Variants in ZNF273 observed in about 807,000 individuals in gnomAD.
ZNF273 encodes the protein zinc finger protein 273.
A neutral mutation model predicts 14.9 loss-of-function variants in ZNF273; 11 were observed. The observed-to-expected ratio is 0.74, with a 90% CI of 0.46 to 1.22. The LOEUF (loss-of-function observed/expected upper bound fraction) is 1.22, where lower values mean the gene tolerates loss of function less well. ZNF273 is among the 50% of genes most tolerant of loss of function. The pLI is 0.00. For synonymous variants in ZNF273, 199 were observed against 223.9 expected, an observed-to-expected ratio of 0.89 and a Z score of 0.99; for missense variants, 577 against 660.6, an observed-to-expected ratio of 0.87 and a Z score of 1.39.
chr7:64,932,070 T>G (rs1159326055), downstream of ZNF273, among the ~76,000 whole-genome samples: 1 of 152,066 alleles, frequency 6.6e-6, no homozygotes, highest in Non-Finnish European at 1.5e-5. Context: ...TTTAGTAAGT[T>G]TTGATGAGAA....
intron 1 of ZNF273, among the ~76,000 whole-genome samples, chr7:64,913,843 A>C (rs1181394211): frequency 6.6e-6 from 1 of 152,170 alleles, no homozygotes; most frequent in East Asian, 1.9e-4. Flanking sequence ...TCTGAGAGGC[A>C]ATGCTTAGCT....
At chr7:64,898,347 A>G (rs1792485594), upstream of ZNF273, among the ~76,000 whole-genome samples, 2 of 152,212 alleles carry the variant, frequency 1.3e-5, no homozygotes, top group African/African-American at 4.8e-5. Flanking sequence ...TTTAATGATG[A>G]CAGTGAAGAA....
At chr7:64,933,629 G>A (rs1795035283), downstream of ZNF273, 1 of 152,108 alleles carries the variant, frequency 6.6e-6, no homozygotes, top group South Asian at 2.1e-4. Context: ...CAGAGTTTCT[G>A]TGATTATGAC....
chr7:64,886,449 C>T (rs1050105315), intron 1 of ZNF273, among the ~76,000 whole-genome samples: 5 of 152,188 alleles, frequency 3.3e-5, no homozygotes, highest in Admixed American at 2.6e-4. Flanking sequence ...ACTAAATTTG[C>T]ACTTGGTGGA....
intron 1 of ZNF273, among the ~76,000 whole-genome samples, chr7:64,905,223 C>T (rs1475677083): frequency 1.3e-5 from 2 of 149,130 alleles, no homozygotes; most frequent in Non-Finnish European, 3.0e-5. Context: ...TCAAGCGATT[C>T]TCCAGTCTCA....
chr7:64,889,833 T>G (rs1458805901), downstream of ZNF273: 1 of 908,720 alleles, frequency 1.1e-6, no homozygotes, highest in Non-Finnish European at 1.3e-6. The surrounding 1 kb of genome is among the most constrained non-coding windows in gnomAD (Gnocchi z 4.2). Flanking sequence ...TTCGGGCAAG[T>G]CAGTTGCCTC....
At chr7:64,917,443 T>C (rs1218519933) in intron 1 of ZNF273, 138 bp from the exon 2 acceptor site, 2 of 1,328,270 alleles carry the variant, frequency 1.5e-6, no homozygotes, top group Non-Finnish European at 2.0e-6. Flanking sequence ...GTTTTGAAAA[T>C]TATTTTATTG....
chr7:64,927,102 T>C (rs1794801460), intron 3 of ZNF273, among the ~76,000 whole-genome samples: 1 of 151,970 alleles, frequency 6.6e-6, no homozygotes, highest in Non-Finnish European at 1.5e-5. Context: ...AATTTACTCC[T>C]TTTTTTTGAG....
chr7:64,901,013 T>A (rs1426981081), upstream of ZNF273, among the ~76,000 whole-genome samples: 2 of 151,880 alleles, frequency 1.3e-5, no homozygotes, highest in African/African-American at 2.4e-5. Flanking sequence ...TTTATTTTTT[T>A]TTTTTTGTAG....
chr7:64,897,324 T>TTTTG (rs1319822523), intron 3 of ZNF273: 1 of 152,202 alleles, frequency 6.6e-6, no homozygotes, highest in Non-Finnish European at 1.5e-5. Flanking sequence ...AAGCTAATGT[T>TTTTG]TTTGTTTGTT....
At chr7:64,911,086 A>G (rs1793479427) in intron 1 of ZNF273, among the ~76,000 whole-genome samples, 1 of 151,842 alleles carries the variant, frequency 6.6e-6, no homozygotes, top group Non-Finnish European at 1.5e-5. Context: ...TGTACCTTTA[A>G]TGCCTAGTTT....
rs1343237420 is a variant in ZNF273 at position 64,912,205 on chromosome 7, C to T, written c.103-5376C>T. Among the ~76,000 whole-genome samples, 6 of 152,088 alleles carry T rather than the reference C, an allele frequency of 3.9e-5. No individual in the cohort carries two copies. In the South Asian group the frequency reaches 6.2e-4, roughly 16 times the overall value. On this transcript the variant is annotated intron_variant, in intron 1 of 3. Transcript: ENST00000476120. ...TTGAACAGATCTGAGGTGATTCGCC[C>T]GCCTCGGCCTCCCAAAGTATGGGGA...
At chr7:64,913,245 GTC>G (rs1426731928) in intron 1 of ZNF273, among the ~76,000 whole-genome samples, 1 of 152,012 alleles carries the variant, frequency 6.6e-6, no homozygotes, top group African/African-American at 2.4e-5. Context: ...TCCTTTCTGT[GTC>G]TCTCTCATCT....
chr7:64,921,439 G>T (rs1432861110), intron 3 of ZNF273, among the ~76,000 whole-genome samples: 2 of 151,690 alleles, frequency 1.3e-5, no homozygotes, highest in Non-Finnish European at 2.9e-5. Context: ...CTATTATTAT[G>T]TTGGTATGTA....
At chr7:64,893,093 G>C (rs1006977516), downstream of ZNF273, among the ~76,000 whole-genome samples, 1 of 137,288 alleles carries the variant, frequency 7.3e-6, no homozygotes, top group Non-Finnish European at 1.5e-5. Flanking sequence ...CATTTTTCAG[G>C]CTGATCTTTG....
At position 64,914,925 on chromosome 7, in the gene ZNF273, C is replaced by CCT. The variant is rs1554386962; in HGVS notation, c.103-2656_103-2655insCT. Reference sequence around the variant, plus strand: ...GGAGGAGAAAAGGGGAAAAAATGGCCTTTTTTTTTTTTTTTTAGCTAAACA... The same window carrying CCT: ...GGAGGAGAAAAGGGGAAAAAATGGCCCTTTTTTTTTTTTTTTTTAGCTAAACA... On this transcript the variant is annotated intron_variant, in intron 1 of 3. Transcript: ENST00000476120. Among the ~76,000 whole-genome samples, 922 of 133,360 alleles carry CCT rather than the reference C, an allele frequency of 6.9e-3. 8 individuals are homozygous for CCT. The highest frequency in any genetic ancestry group is 0.024 in the African/African-American group (868 of 35,430). 87.5% of individuals were successfully genotyped at this position (133,360 alleles called of 152,430 possible).
At position 64,928,144 on chromosome 7, in the gene ZNF273, C is replaced by G; in HGVS notation, c.816C>G (p.Asn272Lys). Reference protein sequence around the residue: ...YKCEECGKAFNQSLTLTKHKK... With the variant: ...YKCEECGKAFKQSLTLTKHKK... ...GTGAAGAATGTGGCAAAGCCTTTAA[C>G]CAGTCCTTAACTCTTACTAAACATA... is the stretch of plus-strand genomic sequence containing the variant. The change falls in exon 4 of 4, where the codon AAC becomes AAG. Residue 272 changes from asparagine to lysine, a missense_variant. By Grantham distance (94) the Asn-to-Lys change is moderately conservative. This residue lies in a region of ZNF273 where 411 missense variants were observed against 440.4 expected (regional missense o/e 0.93). Coordinates refer to ENST00000476120, the MANE Select transcript of ZNF273 (RefSeq NM_021148.3). 1 of 1,613,270 alleles carries G rather than the reference C, an allele frequency of 6.2e-7. No individual in the cohort carries two copies. Among genetic ancestry groups the G allele is most frequent in the Non-Finnish European group, 8.5e-7 (1 of 1,179,722 alleles).
At chr7:64,877,679 C>CAGA (rs1377064985) in exon 1 of ZNF273, 1 of 152,326 alleles carries the variant, frequency 6.6e-6, no homozygotes, top group African/African-American at 2.4e-5. Flanking sequence ...GTTGGACTCT[C>CAGA]GCCTGTCTTC....
At chr7:64,917,058 C>T in intron 1 of ZNF273, 1 of 1,283,924 alleles carries the variant, frequency 7.8e-7, no homozygotes, top group Non-Finnish European at 1.0e-6. Context: ...ATCACAGGCT[C>T]TTCCACTTAC....
Sources: gnomAD v4.1 joint callset for allele counts (sites outside exome capture counted in the v4.1 genomes callset) on GRCh38, gnomAD v4.1.1 for gene constraint, gnomAD v4.1.1 regional missense constraint, Gnocchi (gnomAD v3.1) non-coding constraint, MANE v1.5 for transcripts, NCBI Gene and HGNC (gene_info 2026-07-23, HGNC 2026-07-21) for gene names.